Variants in TNRC6A observed in about 807,000 individuals in gnomAD.
The protein encoded by TNRC6A is trinucleotide repeat-containing gene 6A protein.
In TNRC6A, 44 loss-of-function variants were observed where a neutral mutation model predicts 221.2. The observed-to-expected ratio is 0.20, with a 90% CI of 0.16 to 0.26. The LOEUF (loss-of-function observed/expected upper bound fraction) is 0.26. TNRC6A is among the 10% of genes least tolerant of loss of function. TNRC6A has a pLI of 1.00. For missense variants in TNRC6A, 2,199 were observed against 2,404.4 expected, an observed-to-expected ratio of 0.91 and a Z score of 1.79; for synonymous variants, 847 against 838.5, an observed-to-expected ratio of 1.01 and a Z score of -0.18.
intron 2 of TNRC6A, among the ~76,000 whole-genome samples, chr16:24,704,664 CAAAAA>C (rs58926085): frequency 1.4e-5 from 1 of 69,458 alleles, no homozygotes; most frequent in East Asian, 3.2e-4. Context: ...GACTCCGTCT[CAAAAA>C]AAAAAAAAAA....
At chr16:24,786,928 G>A (rs552130362) in intron 5 of TNRC6A, among the ~76,000 whole-genome samples, 2 of 152,112 alleles carry the variant, frequency 1.3e-5, no homozygotes, top group African/African-American at 2.4e-5. Flanking sequence ...TGATCCCCTC[G>A]CCTTGGCCTC....
At chr16:24,787,577 G>A (rs1041555487) in intron 5 of TNRC6A, among the ~76,000 whole-genome samples, 1 of 152,176 alleles carries the variant, frequency 6.6e-6, no homozygotes, top group Non-Finnish European at 1.5e-5. Context: ...TTTATTTCAT[G>A]AGAAATTCTC....
At chr16:24,699,656 C>A (rs1266817237) in intron 2 of TNRC6A, among the ~76,000 whole-genome samples, 3 of 150,542 alleles carry the variant, frequency 2.0e-5, no homozygotes, top group African/African-American at 7.3e-5. Flanking sequence ...GATTCCAAGG[C>A]TGCAGTGAGC....
chr16:24,703,878 G>C (rs2056038394), intron 2 of TNRC6A, among the ~76,000 whole-genome samples: 1 of 151,810 alleles, frequency 6.6e-6, no homozygotes, highest in Admixed American at 6.6e-5. Flanking sequence ...GAGGTCAGGA[G>C]TTCAAGACCA....
chr16:24,691,138 T>C (rs2055748418), intron 2 of TNRC6A, among the ~76,000 whole-genome samples: 1 of 152,010 alleles, frequency 6.6e-6, no homozygotes, highest in South Asian at 2.1e-4. Flanking sequence ...ATGTGTTCCA[T>C]GGGAAGAAAT....
intron 2 of TNRC6A, among the ~76,000 whole-genome samples, chr16:24,689,753 AT>A (rs1354525755): frequency 6.6e-6 from 1 of 152,028 alleles, no homozygotes; most frequent in Non-Finnish European, 1.5e-5. Context: ...GACACATGCT[AT>A]GAGAAAAAAA....
chr16:24,812,907 C>A (rs1245098518), intron 18 of TNRC6A, among the ~76,000 whole-genome samples: 5 of 91,568 alleles, frequency 5.5e-5, no homozygotes, highest in East Asian at 2.8e-4. Context: ...TTTTTTGAGA[C>A]CCCAGTTGCC....
chr16:24,810,562 T>C (rs370155318), intron 18 of TNRC6A, among the ~76,000 whole-genome samples: 1 of 152,144 alleles, frequency 6.6e-6, no homozygotes, highest in African/African-American at 2.4e-5. Context: ...TGAAAAAGAC[T>C]TACCTTGAGA....
At chr16:24,785,810 G>C (rs150421306) in intron 5 of TNRC6A, among the ~76,000 whole-genome samples, 1 of 152,108 alleles carries the variant, frequency 6.6e-6, no homozygotes, top group Non-Finnish European at 1.5e-5. Flanking sequence ...CACACTTAAC[G>C]CACGCAAATA....
At chr16:24,672,511 G>A (rs894227282) in intron 2 of TNRC6A, among the ~76,000 whole-genome samples, 5 of 152,076 alleles carry the variant, frequency 3.3e-5, no homozygotes, top group African/African-American at 1.2e-4. Flanking sequence ...GTGTGATCAC[G>A]GCTCACTGCA....
In TNRC6A at chr16:24,791,864, A is replaced by G. The variant is rs751816671; in HGVS notation, c.3175+47A>G. ...TCAAGCCTTGTTTTAACTTACTGTT[A>G]TTATAAGATTTGTATAACAAAGTAC... is the stretch of plus-strand genomic sequence containing the variant. On this transcript the variant is annotated intron_variant, in intron 6 of 24. Transcript: ENST00000395799. 12 of 1,452,602 alleles carry G rather than the reference A, an allele frequency of 8.3e-6. No homozygotes were observed. In the Admixed American group the frequency reaches 1.2e-4, roughly 14 times the overall value. 90.0% of individuals were successfully genotyped at this position (1,452,602 alleles called of 1,614,324 possible).
intron 2 of TNRC6A, among the ~76,000 whole-genome samples, chr16:24,749,848 T>C (rs1191510672): frequency 1.3e-5 from 2 of 152,158 alleles, no homozygotes; most frequent in African/African-American, 4.8e-5. Flanking sequence ...ATATGAAGAA[T>C]ACATTATTAG....
rs371741286 is a variant in TNRC6A, at chr16:24,791,865, T to C, written c.3175+48T>C. 54 of 1,450,736 alleles carry C rather than the reference T, an allele frequency of 3.7e-5. No homozygotes were observed. The Middle Eastern group carries it at 2.0e-3, about 54-fold the overall frequency. The allele number at this position is 1,450,736 out of a possible 1,614,324, so 89.9% of individuals were successfully genotyped here. On this transcript the variant is annotated intron_variant, in intron 6 of 24. Transcript: ENST00000395799. Reference sequence around the variant, plus strand: ...CAAGCCTTGTTTTAACTTACTGTTATTATAAGATTTGTATAACAAAGTACT... The same window carrying C: ...CAAGCCTTGTTTTAACTTACTGTTACTATAAGATTTGTATAACAAAGTACT...
chr16:24,634,582 A>G (rs1901528389), intron 1 of TNRC6A, among the ~76,000 whole-genome samples: 1 of 152,188 alleles, frequency 6.6e-6, no homozygotes, highest in Non-Finnish European at 1.5e-5. Flanking sequence ...AATATACCAC[A>G]GGTATGACTT....
chr16:24,675,187 AT>A (rs778095928), intron 2 of TNRC6A, among the ~76,000 whole-genome samples: 2 of 152,140 alleles, frequency 1.3e-5, no homozygotes, highest in African/African-American at 2.4e-5. Context: ...ATTTTATGTA[AT>A]TTTATAATCC....
intron 1 of TNRC6A, among the ~76,000 whole-genome samples, chr16:24,630,033 TA>T (rs1901252263): frequency 6.6e-6 from 1 of 152,164 alleles, no homozygotes; most frequent in Admixed American, 6.6e-5. Context: ...GTGTCCTACA[TA>T]ACTTTTCATA....
chr16:24,659,466 G>T (rs2054983795), intron 2 of TNRC6A, among the ~76,000 whole-genome samples: 2 of 151,890 alleles, frequency 1.3e-5, no homozygotes, highest in African/African-American at 4.8e-5. Context: ...TTCCAATTTT[G>T]TTGGTCTTGC....
chr16:24,757,672 A>G (rs1170088988), intron 3 of TNRC6A, among the ~76,000 whole-genome samples: 2 of 152,232 alleles, frequency 1.3e-5, no homozygotes, highest in African/African-American at 2.4e-5. Flanking sequence ...AAATAAAGGA[A>G]GAGCAGACAT....
In TNRC6A at chr16:24,791,751, G is replaced by A; in HGVS notation, c.3109G>A (p.Ala1037Thr). 1 of 1,607,038 alleles carries A rather than the reference G, an allele frequency of 6.2e-7. No homozygotes were observed. Among genetic ancestry groups the A allele is most frequent in the Non-Finnish European group, 8.5e-7 (1 of 1,177,544 alleles). The change falls in exon 6 of 25, where the codon GCA (alanine) becomes ACA (threonine). Residue 1037 changes from alanine to threonine, a missense_variant. Physicochemically the swap from Ala to Thr is moderately conservative, Grantham distance 58 (BLOSUM62 0). Around this residue, in one of 8 missense-constraint regions of TNRC6A, gnomAD observed 1,405 missense variants for 1,400.2 expected, o/e 1.00. Coordinates refer to ENST00000395799, the MANE Select transcript of TNRC6A (RefSeq NM_014494.4). Reference protein sequence around the residue: ...PNGNSRSDQQAQVHQLLTPAS... With the variant: ...PNGNSRSDQQTQVHQLLTPAS... ...TGGCAACAGCCGTTCAGACCAGCAA[G>A]CACAGGTACATCAGCTGCTAACGCC... is the stretch of plus-strand genomic sequence containing the variant.
Sources: gnomAD v4.1 joint callset for allele counts (sites outside exome capture counted in the v4.1 genomes callset) on GRCh38, gnomAD v4.1.1 for gene constraint, gnomAD v4.1.1 regional missense constraint, MANE v1.5 for transcripts, NCBI Gene and HGNC (gene_info 2026-07-23, HGNC 2026-07-21) for gene names.